N4BP1: variants seen among roughly 807,000 people sequenced by gnomAD.
N4BP1 encodes NEDD4 binding protein 1.
N4BP1 carries 21 observed loss-of-function variants against 70.9 expected under a neutral mutation model. The observed-to-expected ratio is 0.30, with a 90% CI of 0.21 to 0.43. The LOEUF is 0.43. N4BP1 is among the 20% of genes least tolerant of loss of function. The pLI, the probability that N4BP1 is intolerant of heterozygous loss-of-function variation, is 1.00. For synonymous variants in N4BP1, 387 were observed against 394.6 expected (o/e 0.98, Z 0.23); for missense variants, 936 against 1,069.4 (o/e 0.88, Z 1.74).
At chr16:48,599,051 A>G (rs112881551) in intron 1 of N4BP1, among the ~76,000 whole-genome samples, 82 of 152,320 alleles carry the variant, frequency 5.4e-4, no homozygotes, top group African/African-American at 1.1e-3. Flanking sequence ...ACCGGTTCAT[A>G]AAGTCCTAAC....
chr16:48,571,874 C>T (rs1214692847), intron 1 of N4BP1, among the ~76,000 whole-genome samples: 1 of 152,072 alleles, frequency 6.6e-6, no homozygotes, highest in Non-Finnish European at 1.5e-5. Context: ...GCAATTAATA[C>T]AGAAGTAACA....
At chr16:48,595,253 G>C (rs1964393303) in intron 1 of N4BP1, among the ~76,000 whole-genome samples, 1 of 151,918 alleles carries the variant, frequency 6.6e-6, no homozygotes, top group Non-Finnish European at 1.5e-5. Flanking sequence ...TTTGAGGCCA[G>C]GAGTTCGAGA....
chr16:48,578,994 GGGCATTTGACAATGCCAAGA>G (rs1287139248), intron 1 of N4BP1, among the ~76,000 whole-genome samples: 2 of 151,090 alleles, frequency 1.3e-5, no homozygotes, highest in African/African-American at 2.4e-5. Context: ...CCCTTCCTTG[GGGCATTTGACAATGCCAAGA>G]GACATTTGAC....
chr16:48,607,211 A>T lies in N4BP1; in HGVS notation c.198+2564T>A, dbSNP rs555726760. On this transcript the variant is annotated intron_variant, in intron 1 of 6. Coordinates refer to ENST00000262384, the MANE Select transcript of N4BP1 (RefSeq NM_153029.4). ...AAACAGCTTGGCTAAACTGTGTGGC[A>T]AGGACAGCCAAGAAAACAGGCATTG... 1.5e-3 allele frequency among the ~76,000 whole-genome samples: 226 copies of T among 152,334 alleles called. 2 individuals carry two copies. The highest frequency in any genetic ancestry group is 2.3e-3 in the Non-Finnish European group (157 of 68,034).
intron 1 of N4BP1, among the ~76,000 whole-genome samples, chr16:48,564,055 C>A (rs911344970): frequency 6.6e-6 from 1 of 152,138 alleles, no homozygotes; most frequent in Admixed American, 6.5e-5. Flanking sequence ...CCTTCCTAGT[C>A]TCTAGTAGCC....
intron 1 of N4BP1, among the ~76,000 whole-genome samples, chr16:48,573,123 A>G: frequency 6.8e-6 from 1 of 148,132 alleles, no homozygotes; most frequent in Admixed American, 6.8e-5. Context: ...AAAAAAAAAA[A>G]GAAAAAAGAA....
intron 1 of N4BP1, among the ~76,000 whole-genome samples, chr16:48,591,586 T>G (rs1007660995): frequency 6.6e-6 from 1 of 151,626 alleles, no homozygotes; most frequent in African/African-American, 2.4e-5. Flanking sequence ...TAAAATCAAC[T>G]TAATTAAAAA....
At chr16:48,600,148 C>T (rs1304789888) in intron 1 of N4BP1, 6 of 473,872 alleles carry the variant, frequency 1.3e-5, no homozygotes, top group African/African-American at 2.0e-5. Flanking sequence ...TGGTGGTGAC[C>T]CATGCAGGTT....
At chr16:48,558,234 A>G (rs1002201810) in intron 2 of N4BP1, among the ~76,000 whole-genome samples, 2 of 151,916 alleles carry the variant, frequency 1.3e-5, no homozygotes, top group African/African-American at 4.8e-5. Context: ...TATTGCCTTT[A>G]AACAGAGACA....
Position 48,541,369 on chromosome 16 carries a change from C to T in N4BP1, c.*1535G>A, listed in dbSNP as rs554945901. 1.4e-4 allele frequency: 21 copies of T among 151,246 alleles called. No individual in the cohort carries two copies. Among genetic ancestry groups the T allele is most frequent in the Admixed American group, 8.5e-4 (13 of 15,260 alleles). 9.4% of individuals were successfully genotyped at this position (151,246 alleles called of 1,614,324 possible). A position where few individuals can be genotyped will look rare whatever the true frequency, so the allele number is the denominator to read the frequency against. Reference sequence around the variant, plus strand: ...TGGGTGACTTGGCCATAGGCCCAAACAATGGACAACCAGTTCCACATTAGG... The same window carrying T: ...TGGGTGACTTGGCCATAGGCCCAAATAATGGACAACCAGTTCCACATTAGG... On this transcript the variant is annotated 3_prime_UTR_variant, in exon 7 of 7. Coordinates refer to ENST00000262384, the MANE Select transcript of N4BP1 (RefSeq NM_153029.4).
intron 2 of N4BP1, among the ~76,000 whole-genome samples, chr16:48,555,134 C>T (rs926621269): frequency 6.6e-6 from 1 of 152,192 alleles, no homozygotes; most frequent in Non-Finnish European, 1.5e-5. Flanking sequence ...AATTCTGGCC[C>T]GTCTTCTTCT....
intron 1 of N4BP1, among the ~76,000 whole-genome samples, chr16:48,599,144 T>C (rs867500635): frequency 6.6e-6 from 1 of 152,150 alleles, no homozygotes; most frequent in Admixed American, 6.5e-5. Flanking sequence ...TATACTGGTA[T>C]AATAACTATA....
At chr16:48,584,956 G>C (rs1443757107) in intron 1 of N4BP1, among the ~76,000 whole-genome samples, 1 of 152,084 alleles carries the variant, frequency 6.6e-6, no homozygotes, top group African/African-American at 2.4e-5. Context: ...CTTTGAGATA[G>C]AGTCTCGCTT....
intron 2 of N4BP1, among the ~76,000 whole-genome samples, chr16:48,560,174 C>G (rs1043600097): frequency 2.0e-5 from 3 of 152,104 alleles, no homozygotes; most frequent in Non-Finnish European, 4.4e-5. Context: ...GACAGGCTAA[C>G]TAGAAACAAC....
At position 48,610,178 on chromosome 16, in the gene N4BP1, T is replaced by C. The variant is rs1964664171; in HGVS notation, c.-206A>G. ...TTGGCAATTGCTGGCAGCGAACCCCTCCGCCCCTTTGCCGCCGCCGCGGGC... is the reference window on the plus strand; with the variant it reads ...TTGGCAATTGCTGGCAGCGAACCCCCCCGCCCCTTTGCCGCCGCCGCGGGC... On this transcript the variant is annotated 5_prime_UTR_variant, in exon 1 of 7. Transcript: ENST00000262384. 1 of 159,508 alleles carries C rather than the reference T, an allele frequency of 6.3e-6. No individual in the cohort carries two copies. Among genetic ancestry groups the C allele is most frequent in the Non-Finnish European group, 1.3e-5 (1 of 74,662 alleles). 9.9% of individuals were successfully genotyped at this position (159,508 alleles called of 1,614,324 possible).
At chr16:48,589,903 A>G (rs893304957) in intron 1 of N4BP1, among the ~76,000 whole-genome samples, 5 of 151,498 alleles carry the variant, frequency 3.3e-5, no homozygotes, top group Non-Finnish European at 5.9e-5. Context: ...TTGGGAAGGA[A>G]TTCAGTTTAC....
chr16:48,609,222 GA>G (rs771316973), intron 1 of N4BP1, among the ~76,000 whole-genome samples: 4 of 151,950 alleles, frequency 2.6e-5, no homozygotes, highest in Non-Finnish European at 5.9e-5. Flanking sequence ...GTCTCAAATA[GA>G]AAAAAATAGG....
chr16:48,605,894 C>A (rs1964573087), intron 1 of N4BP1, among the ~76,000 whole-genome samples: 1 of 152,206 alleles, frequency 6.6e-6, no homozygotes, highest in Admixed American at 6.5e-5. Context: ...CTGCCCTCTT[C>A]CATGCCCCTG....
Position 48,543,087 on chromosome 16 carries a change from G to A in N4BP1, c.2508C>T (p.Leu836=). ...QQPHFPLLPA[L]PSLQQNLPMP... is the part of the protein sequence containing the mutation. ...TGGGCAGGTTCTGCTGGAGACTGGG[G>A]AGGGCTGGCAGCAGTGGGAAGTGGG... Residue 836 remains leucine, a synonymous_variant, in exon 7 of 7, where the codon CTC becomes CTT. Coordinates refer to ENST00000262384, the MANE Select transcript of N4BP1 (RefSeq NM_153029.4). 1 of 1,613,842 alleles carries A rather than the reference G, an allele frequency of 6.2e-7. No homozygotes were observed. Among genetic ancestry groups the A allele is most frequent in the Non-Finnish European group, 8.5e-7 (1 of 1,179,734 alleles).
Sources: allele counts gnomAD v4.1 joint callset (sites outside exome capture counted in the v4.1 genomes callset), GRCh38; gene constraint gnomAD v4.1.1; transcripts MANE v1.5; gene names NCBI Gene and HGNC (gene_info 2026-07-23, HGNC 2026-07-21).